Variants in CDK14 observed in about 807,000 individuals in gnomAD.
CDK14 encodes cyclin-dependent kinase 14.
CDK14 carries 34 observed loss-of-function variants against 60.7 expected under a neutral mutation model. The ratio of observed to expected loss-of-function variants is 0.56; its 90% confidence interval spans 0.43 to 0.75. The LOEUF (loss-of-function observed/expected upper bound fraction) is 0.75. Ranked by LOEUF, CDK14 falls within the 30% of genes least tolerant of loss-of-function variation. The pLI is 0.00. For synonymous variants in CDK14, 197 were observed against 203.7 expected, an observed-to-expected ratio of 0.97 and a Z score of 0.28; for missense variants, 482 against 564.1, an observed-to-expected ratio of 0.85 and a Z score of 1.47.
chr7:90,604,330 G>A, intron 2 of CDK14, 81 bp downstream of exon 2: 2 of 736,062 alleles, frequency 2.7e-6, no homozygotes, highest in Non-Finnish European at 4.2e-6. Context: ...TTTGTACCTG[G>A]AAACAAAAAA....
At chr7:90,675,918 A>C (rs1211560004) in intron 2 of CDK14, among the ~76,000 whole-genome samples, 3 of 152,226 alleles carry the variant, frequency 2.0e-5, no homozygotes, top group Non-Finnish European at 1.5e-5. Flanking sequence ...GAAAGAAGAA[A>C]ACTATTATAG....
rs1803030247 is a variant in CDK14 at position 91,210,367 on chromosome 7, G to A, written c.*3231G>A. ...TTTTTTTTGTATGATGCACTGAGAT[G>A]TGTACTTTCTAACAGGGGATTGGTA... On this transcript the variant is annotated 3_prime_UTR_variant, in exon 15 of 15. Transcript: ENST00000380050. The A allele has an allele frequency of 6.6e-6, 1 of 151,692 alleles. No individual in the cohort carries two copies. The highest frequency in any genetic ancestry group is 2.1e-4 in the South Asian group (1 of 4,820). The allele number at this position is 151,692 out of a possible 1,614,324, so 9.4% of individuals were successfully genotyped here.
At chr7:90,951,800 A>C (rs1228374064) in intron 8 of CDK14, among the ~76,000 whole-genome samples, 1 of 152,168 alleles carries the variant, frequency 6.6e-6, no homozygotes, top group African/African-American at 2.4e-5. Context: ...TCTCTGTATT[A>C]ATTCTGGCTG....
chr7:91,016,902 G>A (rs374232282), intron 10 of CDK14, among the ~76,000 whole-genome samples: 5 of 152,214 alleles, frequency 3.3e-5, no homozygotes, highest in East Asian at 1.9e-4. Flanking sequence ...GGACCTTTGC[G>A]AAAGCCTCCC....
chr7:90,713,627 C>CTTT (rs34802725), intron 2 of CDK14, among the ~76,000 whole-genome samples: 4 of 133,802 alleles, frequency 3.0e-5, no homozygotes, highest in African/African-American at 8.2e-5. Context: ...TTTGGAAGTA[C>CTTT]TTTTTTTTTT....
rs1167664999 is a variant in CDK14, at chr7:91,186,434, A to T, written c.*29-20731A>T. Among the ~76,000 whole-genome samples, 3 of 151,330 alleles carry T rather than the reference A, an allele frequency of 2.0e-5. No homozygotes were observed. In the East Asian group the frequency reaches 5.8e-4, roughly 29 times the overall value. ...TGTTATGAATAATGCTGCTATGAACATTAAAGTGGCTGCATAGTTTTACAT... is the reference window on the plus strand; with the variant it reads ...TGTTATGAATAATGCTGCTATGAACTTTAAAGTGGCTGCATAGTTTTACAT... On this transcript the variant is annotated intron_variant, in intron 14 of 14. Transcript: ENST00000380050.
intron 8 of CDK14, among the ~76,000 whole-genome samples, chr7:90,938,844 A>G (rs6465299): frequency 0.99 from 150,047 of 152,302 alleles, 73,953 homozygotes; most frequent in East Asian, 1. Context: ...TTTGAGACAT[A>G]TATACTGTAT....
At chr7:90,808,847 A>G (rs980703205) in intron 5 of CDK14, among the ~76,000 whole-genome samples, 2 of 152,238 alleles carry the variant, frequency 1.3e-5, no homozygotes, top group African/African-American at 2.4e-5. Context: ...CTTTAAACCA[A>G]CAAAGATCAA....
chr7:90,686,930 A>G (rs1184463177), intron 2 of CDK14, among the ~76,000 whole-genome samples: 1 of 152,180 alleles, frequency 6.6e-6, no homozygotes, highest in East Asian at 1.9e-4. Flanking sequence ...GAAGATGAGA[A>G]ACTCTAACCA....
rs1221150135 is a variant in CDK14, at chr7:91,079,527, A to G, written c.1154+47A>G. The G allele has an allele frequency of 3.8e-5, 50 of 1,302,590 alleles. No homozygotes were observed. The South Asian group carries it at 4.7e-4, about 12-fold the overall frequency. The allele number at this position is 1,302,590 out of a possible 1,614,324, so 80.7% of individuals were successfully genotyped here. ...GCTCATTCTCTTTCTTTCTCTTTTAATATTTACAACTCTTCTCATACGTTT... is the reference window on the plus strand; with the variant it reads ...GCTCATTCTCTTTCTTTCTCTTTTAGTATTTACAACTCTTCTCATACGTTT... On this transcript the variant is annotated intron_variant, in intron 12 of 14. Transcript: ENST00000380050.
At chr7:90,672,911 A>G (rs1283153601) in intron 2 of CDK14, among the ~76,000 whole-genome samples, 2 of 152,044 alleles carry the variant, frequency 1.3e-5, no homozygotes, top group Non-Finnish European at 1.5e-5. Flanking sequence ...ACATTTGTGT[A>G]TATGTTTTAC....
intron 2 of CDK14, among the ~76,000 whole-genome samples, chr7:90,672,834 A>G (rs1156849479): frequency 2.0e-5 from 3 of 151,796 alleles, no homozygotes; most frequent in Non-Finnish European, 4.4e-5. Flanking sequence ...TTTTAAATAC[A>G]TTTATCTAGT....
chr7:90,664,795 G>C (rs545272019), intron 2 of CDK14, among the ~76,000 whole-genome samples: 16 of 151,474 alleles, frequency 1.1e-4, no homozygotes, highest in African/African-American at 3.6e-4. Context: ...GTTGTGGGGT[G>C]GGGGGAAGGG....
intron 2 of CDK14, among the ~76,000 whole-genome samples, chr7:90,639,476 C>A (rs961104038): frequency 1.3e-5 from 2 of 151,984 alleles, no homozygotes; most frequent in Non-Finnish European, 2.9e-5. Context: ...GCTGTCTGAT[C>A]GTTCCTCTGG....
At chr7:91,078,256 A>T (rs2116216253) in intron 11 of CDK14, among the ~76,000 whole-genome samples, 1 of 152,334 alleles carries the variant, frequency 6.6e-6, no homozygotes, top group East Asian at 1.9e-4. Flanking sequence ...CATCAATGGG[A>T]GAACAGTTAA....
intron 7 of CDK14, among the ~76,000 whole-genome samples, chr7:90,911,716 G>C (rs558311241): frequency 1.3e-5 from 2 of 152,178 alleles, no homozygotes; most frequent in South Asian, 4.2e-4. Flanking sequence ...TGGTTATAAT[G>C]CTTCTTTCTT....
chr7:91,080,704 A>T (rs768147893), intron 12 of CDK14, among the ~76,000 whole-genome samples: 1 of 152,208 alleles, frequency 6.6e-6, no homozygotes, highest in Non-Finnish European at 1.5e-5. Context: ...CATTCCTCTC[A>T]TAGGAATAAG....
intron 4 of CDK14, among the ~76,000 whole-genome samples, chr7:90,775,586 TGAAAGTAGGACCAGAGAAAAAC>T (rs1804991118): frequency 6.9e-6 from 1 of 143,968 alleles, no homozygotes; most frequent in Admixed American, 7.5e-5. Flanking sequence ...CAAGTGTGCT[TGAAAGTAGGACCAGAGAAAAAC>T]GAAAATACCT....
rs767032935 is a variant in CDK14, at chr7:90,863,272, A to G, written c.639+3A>G. The G allele has an allele frequency of 1.9e-5, 28 of 1,494,414 alleles. No individual in the cohort carries two copies. Among genetic ancestry groups the G allele is most frequent in the Non-Finnish European group, 2.0e-5 (22 of 1,077,580 alleles). 92.6% of individuals were successfully genotyped at this position (1,494,414 alleles called of 1,614,324 possible). A position where few individuals can be genotyped will look rare whatever the true frequency, so the allele number is the denominator to read the frequency against. On this transcript the variant is annotated splice_donor_region_variant and intron_variant, in intron 6 of 14. Coordinates refer to ENST00000380050, the MANE Select transcript of CDK14 (RefSeq NM_001287135.2). Reference sequence around the variant, plus strand: ...TGACACTTGTGTTTGAATATGTGGTAAGTAAAATAAGACTTTTAAATTTAG... The same window carrying G: ...TGACACTTGTGTTTGAATATGTGGTGAGTAAAATAAGACTTTTAAATTTAG...
Sources: allele counts gnomAD v4.1 joint callset (sites outside exome capture counted in the v4.1 genomes callset), GRCh38; gene constraint gnomAD v4.1.1; transcripts MANE v1.5; gene names NCBI Gene and HGNC (gene_info 2026-07-23, HGNC 2026-07-21).